The following IQGAP1 variants were observed in gnomAD, a reference collection of about 807,000 sequenced individuals.
IQGAP1 encodes ras GTPase-activating-like protein IQGAP1.
Under a neutral mutation model 215.6 loss-of-function variants are expected in IQGAP1, and 66 were observed. The observed-to-expected ratio is 0.31, with a 90% CI of 0.25 to 0.38. IQGAP1 has a LOEUF of 0.38. Among genes scored for constraint, IQGAP1 ranks in the 10% least tolerant of loss-of-function variants. IQGAP1 has a pLI of 1.00. For missense variants in IQGAP1, 1,712 were observed against 1,997.1 expected (o/e 0.86, Z 2.72); for synonymous variants, 772 against 728.7 (o/e 1.06, Z -0.96).
chr15:90,401,801 A>G (rs1209662947), intron 2 of IQGAP1, among the ~76,000 whole-genome samples: 1 of 152,212 alleles, frequency 6.6e-6, no homozygotes, highest in Non-Finnish European at 1.5e-5. Context: ...TGCTGCTGCT[A>G]TACTTCTGGT....
intron 5 of IQGAP1, among the ~76,000 whole-genome samples, chr15:90,437,204 C>A (rs1250959639): frequency 7.2e-5 from 11 of 152,244 alleles, no homozygotes; most frequent in African/African-American, 2.2e-4. Context: ...TTTAAAAAAC[C>A]AAATCTAGCG....
chr15:90,453,448 T>C (rs1449991817), intron 13 of IQGAP1, among the ~76,000 whole-genome samples, 156 bp downstream of exon 13: 1 of 152,246 alleles, frequency 6.6e-6, no homozygotes, highest in Non-Finnish European at 1.5e-5. Context: ...TTTGTTATGC[T>C]GAAAAATATG....
In IQGAP1 at chr15:90,422,614, A is replaced by ATATATATG. The variant is rs1596258761; in HGVS notation, c.156-3489_156-3488insGTATATAT. Among the ~76,000 whole-genome samples, 3 of 93,674 alleles carry ATATATATG rather than the reference A, an allele frequency of 3.2e-5. No homozygotes were observed. The East Asian group carries it at 2.3e-3, about 72-fold the overall frequency. The allele number at this position is 93,674 out of a possible 152,430, so 61.5% of individuals were successfully genotyped here. On this transcript the variant is annotated intron_variant, in intron 2 of 37. Transcript: ENST00000268182. Reference sequence around the variant, plus strand: ...TGTTTAATAATTGTCTCATTCATATATATATATATATGTATATATATATAT... The same window carrying ATATATATG: ...TGTTTAATAATTGTCTCATTCATATATATATATGTATATATATATGTATATATATATAT...
rs372483990 is a variant in IQGAP1 at position 90,484,211 on chromosome 15, T to C, written c.3789-9T>C. 1 of 1,612,986 alleles carries C rather than the reference T, an allele frequency of 6.2e-7. No individual in the cohort carries two copies. The highest frequency in any genetic ancestry group is 1.3e-5 in the African/African-American group (1 of 75,002). On this transcript the variant is annotated splice_polypyrimidine_tract_variant and intron_variant, in intron 29 of 37. Transcript: ENST00000268182. The stretch of plus-strand genomic sequence containing the variant: ...CTTTTTGGGGGGCTGCCTCCTGTGC[T>C]TATTTCAGACGGTTTTTCCAAACTG...
intron 2 of IQGAP1, among the ~76,000 whole-genome samples, chr15:90,399,469 A>G (rs1330778472): frequency 1.3e-5 from 2 of 152,108 alleles, no homozygotes; most frequent in African/African-American, 2.4e-5. Context: ...CTTTTATAAC[A>G]TGGACTTGAC....
At chr15:90,495,388 A>C (rs7163560) in intron 36 of IQGAP1, among the ~76,000 whole-genome samples, 3 of 152,008 alleles carry the variant, frequency 2.0e-5, no homozygotes, top group Non-Finnish European at 4.4e-5. Context: ...GGGGGGAAAA[A>C]AAACAACTTT....
At chr15:90,395,452 C>G (rs1278085295) in intron 2 of IQGAP1, among the ~76,000 whole-genome samples, 1 of 152,056 alleles carries the variant, frequency 6.6e-6, no homozygotes, top group Non-Finnish European at 1.5e-5. Context: ...TCCCGAGTAG[C>G]TGGGACTACA....
chr15:90,394,883 C>G (rs1964690515), intron 2 of IQGAP1, among the ~76,000 whole-genome samples: 1 of 152,210 alleles, frequency 6.6e-6, no homozygotes, highest in Non-Finnish European at 1.5e-5. Flanking sequence ...CTGCCTGTAA[C>G]AGAGCTCTTT....
intron 1 of IQGAP1, among the ~76,000 whole-genome samples, chr15:90,389,546 G>C (rs1156786117): frequency 6.6e-6 from 1 of 151,852 alleles, no homozygotes; most frequent in Non-Finnish European, 1.5e-5. Context: ...TGGTCAGGCT[G>C]GTCTCAAACT....
intron 2 of IQGAP1, among the ~76,000 whole-genome samples, chr15:90,401,594 A>G (rs1964805978): frequency 6.6e-6 from 1 of 152,234 alleles, no homozygotes; most frequent in South Asian, 2.1e-4. Flanking sequence ...TTCTACATGC[A>G]AGGCACTGTG....
intron 8 of IQGAP1, among the ~76,000 whole-genome samples, chr15:90,442,656 TTGTGGATC>T (rs1414819479): frequency 2.0e-5 from 3 of 152,056 alleles, no homozygotes. Flanking sequence ...GACTCCAGGA[TTGTGGATC>T]TGTATGTGCC....
At chr15:90,482,713 C>G in intron 28 of IQGAP1, 1 of 1,000,424 alleles carries the variant, frequency 1.0e-6, no homozygotes, top group Non-Finnish European at 1.2e-6. Context: ...TCTGTGCTTT[C>G]CTACAGTGAG....
chr15:90,491,449 G>T lies in IQGAP1; in HGVS notation c.4365G>T (p.Lys1455Asn). ...ACAGCAACCTCACTCTTCAAGAGAA[G>T]AAAGAGAAGATCCAGACAGGTTTAA... ...KEDSNLTLQE[K>N]KEKIQTGLKK... Residue 1455 changes from lysine to asparagine, a missense_variant, in exon 34 of 38, where the codon AAG becomes AAT. Lys to Asn is a moderately conservative substitution (Grantham distance 94). Transcript: ENST00000268182. The T allele has an allele frequency of 6.2e-7, 1 of 1,614,164 alleles. No individual in the cohort carries two copies. Among genetic ancestry groups the T allele is most frequent in the Non-Finnish European group, 8.5e-7 (1 of 1,179,998 alleles).
chr15:90,495,816 T>C (rs1366007929), intron 36 of IQGAP1, among the ~76,000 whole-genome samples: 2 of 150,696 alleles, frequency 1.3e-5, no homozygotes, highest in Admixed American at 1.3e-4. Context: ...TTTTTGTATT[T>C]TTAGTAGAGA....
chr15:90,410,730 T>C (rs1174972411), intron 2 of IQGAP1, among the ~76,000 whole-genome samples: 1 of 151,204 alleles, frequency 6.6e-6, no homozygotes, highest in East Asian at 1.9e-4. Context: ...CATTAGGAGA[T>C]ATACCTAATG....
chr15:90,456,481 C>T (rs945767781), intron 15 of IQGAP1, among the ~76,000 whole-genome samples, 166 bp downstream of exon 15: 4 of 152,126 alleles, frequency 2.6e-5, no homozygotes, highest in African/African-American at 7.2e-5. Context: ...TAGGCTCCAC[C>T]TACTAGGAGC....
chr15:90,397,476 T>G (rs1188676917), intron 2 of IQGAP1, among the ~76,000 whole-genome samples: 1 of 151,810 alleles, frequency 6.6e-6, no homozygotes, highest in African/African-American at 2.4e-5. Context: ...GGTTAATTGC[T>G]TGGCACAGTG....
chr15:90,466,683 A>G (rs1382885947), intron 17 of IQGAP1, among the ~76,000 whole-genome samples: 9 of 150,584 alleles, frequency 6.0e-5, no homozygotes, highest in Admixed American at 6.0e-4. Context: ...TTAACTGTTT[A>G]TCTTTCACAG....
intron 2 of IQGAP1, among the ~76,000 whole-genome samples, chr15:90,409,412 A>G (rs1964925976): frequency 6.6e-6 from 1 of 151,742 alleles, no homozygotes; most frequent in East Asian, 1.9e-4. Flanking sequence ...TAATTTTTGT[A>G]TTTTTAGTAG....
Sources: allele counts gnomAD v4.1 joint callset (sites outside exome capture counted in the v4.1 genomes callset), GRCh38; gene constraint gnomAD v4.1.1; transcripts MANE v1.5; gene names NCBI Gene and HGNC (gene_info 2026-07-23, HGNC 2026-07-21).